Variants in TG observed in about 807,000 individuals in gnomAD.
The protein encoded by TG is thyroid hormones.
In TG, 270 loss-of-function variants were observed where a neutral mutation model predicts 324.7. That is an observed-to-expected ratio of 0.83 (90% confidence interval 0.75 to 0.92). The LOEUF is 0.92. Ranked by LOEUF, TG falls within the 40% of genes least tolerant of loss-of-function variation. TG has a pLI of 0.00. For missense variants in TG, 3,591 were observed against 3,456.4 expected (o/e 1.04, Z -0.98); for synonymous variants, 1,401 against 1,327.0 (o/e 1.06, Z -1.21).
At chr8:133,045,071 G>A (rs920292286) in intron 41 of TG, 10 of 1,614,020 alleles carry the variant, frequency 6.2e-6, no homozygotes, top group Non-Finnish European at 7.6e-6. Flanking sequence ...CGGAAAATGC[G>A]GTAATGCTTT....
In TG at chr8:132,886,416, C is replaced by T. The variant is rs777248154; in HGVS notation, c.1076-32C>T. On this transcript the variant is annotated intron_variant, in intron 8 of 47. Transcript: ENST00000220616. Reference sequence around the variant, plus strand: ...CTCAGGATTGCTTGTGACATTAAAACCTTTTCTCCCATTTCACTTTGTCTC... The same window carrying T: ...CTCAGGATTGCTTGTGACATTAAAATCTTTTCTCCCATTTCACTTTGTCTC... 5.6e-6 allele frequency: 9 copies of T among 1,613,826 alleles called. No homozygotes were observed. The Admixed American group carries it at 1.3e-4, about 24-fold the overall frequency.
intron 41 of TG, among the ~76,000 whole-genome samples, chr8:133,081,479 G>A (rs1264894482): frequency 3.3e-5 from 5 of 152,108 alleles, no homozygotes; most frequent in Admixed American, 2.0e-4. Flanking sequence ...TTGGATCAGC[G>A]GTCCATCTGG....
chr8:132,966,846 C>A, intron 30 of TG, 149 bp downstream of exon 30: 1 of 948,510 alleles, frequency 1.1e-6, no homozygotes, highest in Non-Finnish European at 1.6e-6. Context: ...AAAGATAGCA[C>A]ATAACCCATA....
intron 23 of TG, 125 bp from the exon 24 acceptor site, chr8:132,933,434 TTG>T (rs370957018): frequency 0.095 from 60,318 of 631,656 alleles, 5 homozygotes; most frequent in South Asian, 0.12. Context: ...ATCTGCATAT[TTG>T]TGTGTGTGTG....
chr8:133,105,733 A>G (rs1389040517), intron 43 of TG, among the ~76,000 whole-genome samples: 1 of 152,172 alleles, frequency 6.6e-6, no homozygotes, highest in Non-Finnish European at 1.5e-5. Context: ...CGTGGACAGA[A>G]TGGGAGGAAA....
At chr8:132,910,106 A>T (rs925870783) in intron 18 of TG, among the ~76,000 whole-genome samples, 3 of 152,184 alleles carry the variant, frequency 2.0e-5, no homozygotes, top group Admixed American at 2.0e-4. Context: ...TGACAACTAT[A>T]TGAACACTCA....
chr8:133,003,414 T>A (rs1038410156), intron 35 of TG, among the ~76,000 whole-genome samples: 11 of 151,904 alleles, frequency 7.2e-5, no homozygotes, highest in African/African-American at 1.9e-4. Context: ...ATACTTATTT[T>A]TTTTTTTTTT....
chr8:133,097,625 A>G (rs984179677), intron 43 of TG, among the ~76,000 whole-genome samples: 3 of 152,230 alleles, frequency 2.0e-5, no homozygotes, highest in Admixed American at 1.3e-4. Context: ...ATATCTTTAT[A>G]TTTGTAAGTG....
At chr8:132,919,573 T>C in intron 21 of TG, 48 bp downstream of exon 21, 1 of 1,609,664 alleles carries the variant, frequency 6.2e-7, no homozygotes, top group South Asian at 1.1e-5. Flanking sequence ...TGCAATGAAA[T>C]GGAACTCAAC....
At chr8:132,995,590 T>C in intron 35 of TG, 1 of 905,346 alleles carries the variant, frequency 1.1e-6, no homozygotes, top group Non-Finnish European at 1.3e-6. Context: ...GGATCATGCA[T>C]GTGACCCCAT....
chr8:132,928,137 CTTA>C (rs1195720431), intron 22 of TG, among the ~76,000 whole-genome samples: 1 of 152,100 alleles, frequency 6.6e-6, no homozygotes, highest in Non-Finnish European at 1.5e-5. Context: ...TTTTTCTGCA[CTTA>C]TTATGAAAGC....
chr8:132,934,311 G>A lies in TG; in HGVS notation c.4932+635G>A, dbSNP rs1185398395. Among the ~76,000 whole-genome samples the A allele has an allele frequency of 2.6e-5, 4 of 151,194 alleles. No homozygotes were observed. The Admixed American group carries it at 2.7e-4, about 10-fold the overall frequency. Reference sequence around the variant, plus strand: ...GATCACGCCACTGCACTCCAGCTTGGGCTGCAGAGTGAAGACTCCATCAAA... The same window carrying A: ...GATCACGCCACTGCACTCCAGCTTGAGCTGCAGAGTGAAGACTCCATCAAA... On this transcript the variant is annotated intron_variant, in intron 24 of 47. Coordinates refer to ENST00000220616, the MANE Select transcript of TG (RefSeq NM_003235.5).
chr8:133,028,206 G>A (rs576026773), intron 40 of TG, among the ~76,000 whole-genome samples: 3 of 152,262 alleles, frequency 2.0e-5, no homozygotes, highest in African/African-American at 7.2e-5. Flanking sequence ...AGATTTGCAG[G>A]ACTTGGTCTG....
At chr8:132,912,253 C>T (rs1384055842) in intron 19 of TG, among the ~76,000 whole-genome samples, 1 of 152,160 alleles carries the variant, frequency 6.6e-6, no homozygotes, top group African/African-American at 2.4e-5. Flanking sequence ...GTGAATTCTC[C>T]AGGAGCCCCA....
chr8:133,104,245 A>G (rs1435607681), intron 43 of TG, among the ~76,000 whole-genome samples: 1 of 152,238 alleles, frequency 6.6e-6, no homozygotes, highest in East Asian at 1.9e-4. Flanking sequence ...CTTTCAGGCC[A>G]TCAGAAAAGT....
chr8:132,931,260 A>T (rs997492773), intron 23 of TG, among the ~76,000 whole-genome samples: 2 of 152,180 alleles, frequency 1.3e-5, no homozygotes, highest in Admixed American at 6.5e-5. Context: ...TAATGATCTC[A>T]TTATGCACTT....
At chr8:133,084,749 G>A (rs544349026) in intron 41 of TG, among the ~76,000 whole-genome samples, 11 of 152,292 alleles carry the variant, frequency 7.2e-5, no homozygotes, top group African/African-American at 1.9e-4. Context: ...CCCTTAGAGC[G>A]CTCCCCCACA....
intron 41 of TG, among the ~76,000 whole-genome samples, chr8:133,080,027 A>G (rs2131520252): frequency 6.6e-6 from 1 of 152,248 alleles, no homozygotes; most frequent in Non-Finnish European, 1.5e-5. Flanking sequence ...TTCTCTGGGT[A>G]TGGAGTTAGA....
chr8:132,930,079 G>A (rs570384357), intron 23 of TG, among the ~76,000 whole-genome samples: 10 of 152,278 alleles, frequency 6.6e-5, no homozygotes, highest in African/African-American at 2.2e-4. Flanking sequence ...GTACCCACAT[G>A]TGATGTAGTT....
Sources: allele counts gnomAD v4.1 joint callset (sites outside exome capture counted in the v4.1 genomes callset), GRCh38; gene constraint gnomAD v4.1.1; transcripts MANE v1.5; gene names NCBI Gene and HGNC (gene_info 2026-07-23, HGNC 2026-07-21).